TIMP2: variants seen among roughly 807,000 people sequenced by gnomAD.
TIMP2 encodes the protein metalloproteinase inhibitor 2.
In TIMP2, 5 loss-of-function variants were observed where a neutral mutation model predicts 24.3. The observed-to-expected ratio is 0.21, with a 90% CI of 0.11 to 0.43. The LOEUF (loss-of-function observed/expected upper bound fraction) is 0.43. Ranked by LOEUF, TIMP2 falls within the 20% of genes least tolerant of loss-of-function variation. The pLI is 1.00. For synonymous variants in TIMP2, 130 were observed against 123.2 expected (o/e 1.06, Z -0.37); for missense variants, 221 against 297.5 (o/e 0.74, Z 1.89).
chr17:78,876,075 GACGGCCCCCTATTTCC>G (rs2069725421), intron 1 of TIMP2, among the ~76,000 whole-genome samples: 1 of 152,152 alleles, frequency 6.6e-6, no homozygotes. Flanking sequence ...GCTTTGCCCT[GACGGCCCCCTATTTCC>G]AGTGCCCTCC....
At chr17:78,904,852 G>A (rs2070143192) in intron 1 of TIMP2, 1 of 152,300 alleles carries the variant, frequency 6.6e-6, no homozygotes, top group African/African-American at 2.4e-5. Flanking sequence ...TGCAAGAGCT[G>A]GGACATCCAG....
chr17:78,922,159 C>T (rs935135247), intron 1 of TIMP2: 2 of 152,268 alleles, frequency 1.3e-5, no homozygotes, highest in African/African-American at 2.4e-5. Flanking sequence ...ATCTTCCAGG[C>T]AATTCTGCTC....
chr17:78,871,138 G>A (rs968492509), intron 2 of TIMP2, 132 bp from the exon 3 acceptor site: 4 of 654,040 alleles, frequency 6.1e-6, no homozygotes, highest in Non-Finnish European at 1.1e-5. Flanking sequence ...GGACCAGGAA[G>A]TGCAAATACA....
chr17:78,922,842 G>A (rs1427696612), intron 1 of TIMP2, among the ~76,000 whole-genome samples: 1 of 152,164 alleles, frequency 6.6e-6, no homozygotes, highest in Admixed American at 6.5e-5. Context: ...AGACACACGA[G>A]AGAAGGCCAT....
intron 1 of TIMP2, among the ~76,000 whole-genome samples, chr17:78,900,738 C>G (rs62074363): frequency 0.01 from 1,579 of 152,204 alleles, 10 homozygotes; most frequent in Middle Eastern, 0.024. Flanking sequence ...TTTTTAACAG[C>G]TTGCACAACT....
chr17:78,867,652 G>A (rs1256556813), intron 3 of TIMP2, among the ~76,000 whole-genome samples: 2 of 147,914 alleles, frequency 1.4e-5, no homozygotes, highest in East Asian at 4.0e-4. Flanking sequence ...CTGGAGTGCA[G>A]TGGCACGATC....
intron 1 of TIMP2, among the ~76,000 whole-genome samples, chr17:78,874,713 G>T (rs1343053672): frequency 6.6e-6 from 1 of 151,282 alleles, no homozygotes; most frequent in African/African-American, 2.4e-5. Flanking sequence ...AAGTAGCTGG[G>T]ATTACAGGCG....
In TIMP2 at chr17:78,891,148, G is replaced by A. The variant is rs144028091; in HGVS notation, c.131-17229C>T. 4.8e-5 allele frequency: 74 copies of A among 1,550,582 alleles called. No homozygotes were observed. In the African/African-American group the frequency reaches 6.2e-4, roughly 13 times the overall value. ...CTTTGTTGATAAATATACCTGCCTC[G>A]GGAGACAATGTTTGACTTCCATTTC... is the stretch of plus-strand genomic sequence containing the variant. On this transcript the variant is annotated intron_variant, in intron 1 of 4. Transcript: ENST00000262768. The surrounding 1 kb of genome is among the most constrained non-coding windows in gnomAD (Gnocchi z 4.5).
chr17:78,874,739 G>A (rs9890005), intron 1 of TIMP2, among the ~76,000 whole-genome samples: 24,876 of 149,528 alleles, frequency 0.17, 2,178 homozygotes, highest in East Asian at 0.28. Flanking sequence ...CACCACGCCC[G>A]GTTAATTTTT....
intron 1 of TIMP2, among the ~76,000 whole-genome samples, chr17:78,922,616 G>A (rs554535680): frequency 5.3e-5 from 8 of 152,168 alleles, no homozygotes; most frequent in South Asian, 2.1e-4. Flanking sequence ...CCAGGAGTTC[G>A]AGACCAGCCT....
At chr17:78,864,301 C>T (rs1402716678) in intron 3 of TIMP2, among the ~76,000 whole-genome samples, 1 of 151,228 alleles carries the variant, frequency 6.6e-6, no homozygotes, top group African/African-American at 2.4e-5. Context: ...TTCTTCCCTG[C>T]CTCTCTCCCT....
At chr17:78,898,309 T>C (rs1339793850) in intron 1 of TIMP2, 1 of 152,276 alleles carries the variant, frequency 6.6e-6, no homozygotes, top group Non-Finnish European at 1.5e-5. Context: ...TAGCTCGTAA[T>C]CAGGGCAGCA....
chr17:78,892,309 C>A (rs971207286), intron 1 of TIMP2: 23 of 1,550,566 alleles, frequency 1.5e-5, no homozygotes, highest in Non-Finnish European at 1.9e-5. Flanking sequence ...GACAGAGGCT[C>A]AGCCACATGG....
chr17:78,875,729 C>T (rs1021373918), intron 1 of TIMP2, among the ~76,000 whole-genome samples: 1 of 152,156 alleles, frequency 6.6e-6, no homozygotes, highest in Admixed American at 6.5e-5. Flanking sequence ...CCAGCCCCAG[C>T]CCCACCCCAC....
At chr17:78,913,275 C>T (rs2070224975) in intron 1 of TIMP2, among the ~76,000 whole-genome samples, 2 of 152,152 alleles carry the variant, frequency 1.3e-5, no homozygotes, top group African/African-American at 2.4e-5. Flanking sequence ...GGAAACATCA[C>T]GTGAACCCAC....
chr17:78,901,374 G>A (rs56924828), intron 1 of TIMP2: 15,993 of 226,486 alleles, frequency 0.071, 652 homozygotes, highest in Middle Eastern at 0.11. Flanking sequence ...GGAGATGCAC[G>A]GGCTGAAGAA....
chr17:78,925,043 G>C lies in TIMP2; in HGVS notation c.46C>G (p.Leu16Val), dbSNP rs1376669167. 2.2e-5 allele frequency: 27 copies of C among 1,216,246 alleles called. No individual in the cohort carries two copies. Among genetic ancestry groups the C allele is most frequent in the Non-Finnish European group, 2.8e-5 (27 of 971,804 alleles). 75.3% of individuals were successfully genotyped at this position (1,216,246 alleles called of 1,614,324 possible). Residue 16 changes from leucine to valine, a missense_variant, in exon 1 of 5, where the codon CTG becomes GTG. Leu to Val is a conservative substitution (Grantham distance 32, BLOSUM62 1). Coordinates refer to ENST00000262768, the MANE Select transcript of TIMP2 (RefSeq NM_003255.5). Reference sequence around the variant, plus strand: ...GCCGGGCGAAGCAGCGTCGCCAGCAGCAGGAGGCCGAGCGCCAGCCGCAGG... The same window carrying C: ...GCCGGGCGAAGCAGCGTCGCCAGCACCAGGAGGCCGAGCGCCAGCCGCAGG... ...RTLRLALGLLLLATLLRPADA... is the reference protein window; with the variant it reads ...RTLRLALGLLVLATLLRPADA...
chr17:78,905,520 T>C lies in TIMP2; in HGVS notation c.130+19439A>G, dbSNP rs368603935. The stretch of plus-strand genomic sequence containing the variant: ...CCTCTCAGCGTGGCCTTGACGCCCA[T>C]TCTAAAGCAAGGGGAGAGGTTCTAG... On this transcript the variant is annotated intron_variant, in intron 1 of 4. Coordinates refer to ENST00000262768, the MANE Select transcript of TIMP2 (RefSeq NM_003255.5). Among the ~76,000 whole-genome samples the C allele has an allele frequency of 4.6e-5, 7 of 152,242 alleles. No homozygotes were observed. In the East Asian group the frequency reaches 1.2e-3, roughly 25 times the overall value.
intron 1 of TIMP2, among the ~76,000 whole-genome samples, chr17:78,913,103 G>A (rs1479654059): frequency 6.6e-6 from 1 of 152,120 alleles, no homozygotes; most frequent in Non-Finnish European, 1.5e-5. Flanking sequence ...TACAACAACA[G>A]GCCATCAGCC....
Sources: gnomAD v4.1 joint callset for allele counts (sites outside exome capture counted in the v4.1 genomes callset) on GRCh38, gnomAD v4.1.1 for gene constraint, Gnocchi (gnomAD v3.1) non-coding constraint, MANE v1.5 for transcripts, NCBI Gene and HGNC (gene_info 2026-07-23, HGNC 2026-07-21) for gene names.